ANO2: variants seen among roughly 807,000 people sequenced by gnomAD.
The protein encoded by ANO2 is anoctamin-2.
In ANO2, 101 loss-of-function variants were observed where a neutral mutation model predicts 124.2. The ratio of observed to expected loss-of-function variants is 0.81; its 90% confidence interval spans 0.69 to 0.96. The LOEUF is 0.96. Ranked by LOEUF, ANO2 falls within the 40% of genes least tolerant of loss-of-function variation. The probability of loss-of-function intolerance (pLI) is 0.00; values close to 1 mark genes in which losing one functional copy is unlikely to be tolerated. For synonymous variants in ANO2, 486 were observed against 482.5 expected, an observed-to-expected ratio of 1.01 and a Z score of -0.09; for missense variants, 1,293 against 1,274.5, an observed-to-expected ratio of 1.01 and a Z score of -0.22.
chr12:5,914,421 G>T (rs1386134337), intron 3 of ANO2, among the ~76,000 whole-genome samples: 1 of 152,140 alleles, frequency 6.6e-6, no homozygotes, highest in Non-Finnish European at 1.5e-5. Context: ...GGAGGAGGGA[G>T]TCTCCTCTCT....
At chr12:5,883,033 C>A (rs1938610638) in intron 3 of ANO2, among the ~76,000 whole-genome samples, 1 of 152,098 alleles carries the variant, frequency 6.6e-6, no homozygotes, top group Admixed American at 6.5e-5. Flanking sequence ...TGAGCCTGAG[C>A]TCCTTATCAG....
chr12:5,576,125 T>G (rs924218916), intron 22 of ANO2, 110 bp from the exon 23 acceptor site: 2 of 1,142,476 alleles, frequency 1.8e-6, no homozygotes, highest in Non-Finnish European at 2.4e-6. Context: ...CAGAAGCTCA[T>G]GCAGCATGAT....
chr12:5,915,057 A>G (rs566075260), intron 3 of ANO2, among the ~76,000 whole-genome samples: 1 of 152,268 alleles, frequency 6.6e-6, no homozygotes, highest in South Asian at 2.1e-4. Flanking sequence ...CTGGACGCTC[A>G]AGGCTGGGGC....
At chr12:5,835,044 A>G (rs1242624783) in intron 4 of ANO2, among the ~76,000 whole-genome samples, 6 of 152,202 alleles carry the variant, frequency 3.9e-5, no homozygotes, top group African/African-American at 1.4e-4. Context: ...TTCCCCAGTG[A>G]CAGGCATTTA....
intron 14 of ANO2, among the ~76,000 whole-genome samples, chr12:5,725,731 C>A (rs879500528): frequency 3.3e-5 from 5 of 152,026 alleles, no homozygotes; most frequent in Admixed American, 6.6e-5. Flanking sequence ...GTCCTTGCAG[C>A]CCTAAGGTGG....
chr12:5,844,112 T>C (rs1954609195), intron 4 of ANO2, among the ~76,000 whole-genome samples: 1 of 152,178 alleles, frequency 6.6e-6, no homozygotes, highest in African/African-American at 2.4e-5. Context: ...ATGAGTAGTA[T>C]ATGTTTATTC....
intron 10 of ANO2, among the ~76,000 whole-genome samples, chr12:5,770,151 G>A (rs1565655676): frequency 6.6e-6 from 1 of 152,224 alleles, no homozygotes; most frequent in African/African-American, 2.4e-5. Flanking sequence ...CAGAAGCAGA[G>A]AGAAATGCCT....
Position 5,922,589 on chromosome 12 carries a change from T to TGG in ANO2, c.207+30_207+31insCC. 16 of 1,449,796 alleles carry TGG rather than the reference T, an allele frequency of 1.1e-5. No homozygotes were observed. The African/African-American group carries it at 2.0e-4, about 18-fold the overall frequency. The allele number at this position is 1,449,796 out of a possible 1,614,324, so 89.8% of individuals were successfully genotyped here. A position where few individuals can be genotyped will look rare whatever the true frequency, so the allele number is the denominator to read the frequency against. On this transcript the variant is annotated intron_variant, in intron 2 of 24. Transcript: ENST00000682330. ...GGTGGCCTGCAACAGGGCTGGCCTA[T>TGG]CCCCCCACCCCACCCCCGCCCAGTA...
chr12:5,852,083 AG>A (rs1954929622), intron 4 of ANO2: 2 of 683,176 alleles, frequency 2.9e-6, no homozygotes, highest in South Asian at 1.6e-5. Context: ...TGGAGTTAGA[AG>A]GAAGACAGAA....
intron 7 of ANO2, among the ~76,000 whole-genome samples, chr12:5,819,625 G>C (rs983655389): frequency 9.2e-5 from 14 of 152,210 alleles, no homozygotes; most frequent in African/African-American, 3.1e-4. Context: ...GGATGGTGGA[G>C]TGGATTAGTC....
At chr12:5,852,847 ACGTGTGTGTGTG>A (rs1053448739) in intron 4 of ANO2, among the ~76,000 whole-genome samples, 1 of 48,850 alleles carries the variant, frequency 2.0e-5, no homozygotes, top group African/African-American at 7.1e-5. Flanking sequence ...ATGGAAAGGG[ACGTGTGTGTGTG>A]TGTGTGTGTG....
chr12:5,782,378 T>C (rs1952425479), intron 10 of ANO2, among the ~76,000 whole-genome samples: 1 of 152,220 alleles, frequency 6.6e-6, no homozygotes. Context: ...TGCATTTTTA[T>C]TAAATCTGGC....
chr12:5,646,536 G>A (rs570739546), intron 15 of ANO2, among the ~76,000 whole-genome samples: 1 of 152,170 alleles, frequency 6.6e-6, no homozygotes, highest in East Asian at 1.9e-4. Flanking sequence ...TCTAAGCATG[G>A]TGTCAAGCAC....
intron 14 of ANO2, among the ~76,000 whole-genome samples, chr12:5,680,611 G>C (rs1038179129): frequency 6.6e-6 from 1 of 152,162 alleles, no homozygotes; most frequent in Non-Finnish European, 1.5e-5. Context: ...ATCAAAAGGG[G>C]GAACAAGCTG....
At chr12:5,923,076 A>C (rs1319003932) in intron 1 of ANO2, among the ~76,000 whole-genome samples, 2 of 21,428 alleles carry the variant, frequency 9.3e-5, no homozygotes. Context: ...ACACACATGC[A>C]CACATACACA....
Position 5,563,434 on chromosome 12 carries a change from C to T in ANO2, c.2862G>A (p.Lys954=). ...FFLKEEHEKL[K]LMDEPALRSP... is the part of the protein sequence containing the mutation. ...TCCTCAGAGCCGGCTCATCCATCAG[C>T]TTGAGCTTCTCATGCTCCTCTTTCA... The change falls in exon 25 of 25, where the codon AAG becomes AAA. Residue 954 remains lysine, a synonymous_variant. Coordinates refer to ENST00000682330, the MANE Select transcript of ANO2 (RefSeq NM_001364791.2). 6.2e-7 allele frequency: 1 copy of T among 1,613,524 alleles called. No homozygotes were observed. Among genetic ancestry groups the T allele is most frequent in the Non-Finnish European group, 8.5e-7 (1 of 1,179,744 alleles).
rs376386696 is a variant in ANO2 at position 5,658,181 on chromosome 12, C to T, written c.1546-10380G>A. Among the ~76,000 whole-genome samples, 7 of 152,124 alleles carry T rather than the reference C, an allele frequency of 4.6e-5. No homozygotes were observed. Among genetic ancestry groups the T allele is most frequent in the South Asian group, 2.1e-4 (1 of 4,822 alleles). On this transcript the variant is annotated intron_variant, in intron 14 of 24. Transcript: ENST00000682330. The surrounding 1 kb of genome is among the most constrained non-coding windows in gnomAD (Gnocchi z 4.3). Reference sequence around the variant, plus strand: ...GCCTGGGTTCAATTCCCAGCTTGCACGCTAATTGAACGTGTGACTTCAGGC... The same window carrying T: ...GCCTGGGTTCAATTCCCAGCTTGCATGCTAATTGAACGTGTGACTTCAGGC...
At chr12:5,607,967 C>G (rs899408110) in intron 19 of ANO2, among the ~76,000 whole-genome samples, 2 of 151,894 alleles carry the variant, frequency 1.3e-5, no homozygotes, top group Non-Finnish European at 2.9e-5. Flanking sequence ...TGAATCATCC[C>G]AAAATCACAC....
rs561669210 is a variant in ANO2, at chr12:5,578,471, C to T, written c.2281G>A (p.Ala761Thr). The T allele has an allele frequency of 1.9e-6, 3 of 1,613,918 alleles. No individual in the cohort carries two copies. Among genetic ancestry groups the T allele is most frequent in the South Asian group, 2.2e-5 (2 of 91,056 alleles). The change falls in exon 21 of 25, where the codon GCA (alanine) becomes ACA (threonine). Residue 761 changes from alanine to threonine, a missense_variant. Physicochemically the swap from Ala to Thr is moderately conservative, Grantham distance 58 (BLOSUM62 0). Transcript: ENST00000682330. ...VTLFVASFPLAPVFALLNNVI... is the reference protein window; with the variant it reads ...VTLFVASFPLTPVFALLNNVI... ...TTGTTGAGGAGGGCAAACACAGGTG[C>T]CAGGGGAAAGGAGGCCACGAAGAGG...
Sources: allele counts gnomAD v4.1 joint callset (sites outside exome capture counted in the v4.1 genomes callset), GRCh38; gene constraint gnomAD v4.1.1; non-coding constraint Gnocchi (gnomAD v3.1); transcripts MANE v1.5; gene names NCBI Gene and HGNC (gene_info 2026-07-23, HGNC 2026-07-21).